Variants in PRRX2 observed in about 807,000 individuals in gnomAD.
PRRX2 encodes the protein paired mesoderm homeobox protein 2.
PRRX2 carries 11 observed loss-of-function variants against 18.0 expected under a neutral mutation model. The observed-to-expected ratio is 0.61, with a 90% CI of 0.39 to 1.01. PRRX2 has a LOEUF of 1.01. Among genes scored for constraint, PRRX2 ranks in the 50% least tolerant of loss-of-function variants. PRRX2 has a pLI of 0.01. For synonymous variants in PRRX2, 177 were observed against 154.8 expected, an observed-to-expected ratio of 1.14 and a Z score of -1.06; for missense variants, 387 against 351.0, an observed-to-expected ratio of 1.10 and a Z score of -0.82.
intron 1 of PRRX2, among the ~76,000 whole-genome samples, chr9:129,704,345 C>A (rs1381003419): frequency 6.6e-6 from 1 of 152,164 alleles, no homozygotes; most frequent in African/African-American, 2.4e-5. Flanking sequence ...GGGAGAGATA[C>A]TGTTTTGTCC....
chr9:129,697,958 G>A (rs901790592), intron 1 of PRRX2, among the ~76,000 whole-genome samples: 3 of 151,998 alleles, frequency 2.0e-5, no homozygotes, highest in African/African-American at 7.2e-5. Context: ...GGAGCGTGGA[G>A]GTTGGAGGGT....
At chr9:129,700,923 C>T (rs1325248497) in intron 1 of PRRX2, among the ~76,000 whole-genome samples, 5 of 152,168 alleles carry the variant, frequency 3.3e-5, no homozygotes, top group Admixed American at 6.5e-5. Context: ...TTAGCCAGTA[C>T]GCCACCTTTT....
At chr9:129,672,295 C>G (rs1384058049) in intron 1 of PRRX2, among the ~76,000 whole-genome samples, 1 of 152,184 alleles carries the variant, frequency 6.6e-6, no homozygotes, top group African/African-American at 2.4e-5. Context: ...GACCGGGAAG[C>G]CTCGTGGGCA....
In PRRX2 at chr9:129,711,499, G is replaced by A. The variant is rs575702361; in HGVS notation, c.260-7732G>A. On this transcript the variant is annotated intron_variant, in intron 1 of 3. Transcript: ENST00000372469. ...CGGCTCACTGCAACCTCCACCTCCC[G>A]GGTTTAAGCAATTCTCATGCCCCAG... Among the ~76,000 whole-genome samples, 230 of 143,454 alleles carry A rather than the reference G, an allele frequency of 1.6e-3. 1 individual carries two copies. The highest frequency in any genetic ancestry group is 5.6e-3 in the African/African-American group (215 of 38,106). 94.1% of individuals were successfully genotyped at this position (143,454 alleles called of 152,430 possible).
intron 1 of PRRX2, among the ~76,000 whole-genome samples, chr9:129,674,019 G>C (rs1476136305): frequency 6.6e-6 from 1 of 152,120 alleles, no homozygotes; most frequent in Non-Finnish European, 1.5e-5. Context: ...GGCAGAGCTG[G>C]CCACGGCTGC....
At chr9:129,710,794 G>A (rs1197559747) in intron 1 of PRRX2, among the ~76,000 whole-genome samples, 1 of 152,130 alleles carries the variant, frequency 6.6e-6, no homozygotes, top group Non-Finnish European at 1.5e-5. Context: ...GGCTGGGGCA[G>A]GGCTGCACTC....
chr9:129,672,563 G>T (rs1158349079), intron 1 of PRRX2, among the ~76,000 whole-genome samples: 4 of 152,198 alleles, frequency 2.6e-5, no homozygotes, highest in East Asian at 1.9e-4. Context: ...CCAGGCAGGC[G>T]CAGGCTGCAT....
chr9:129,673,716 G>A (rs1220388445), intron 1 of PRRX2, among the ~76,000 whole-genome samples: 1 of 151,150 alleles, frequency 6.6e-6, no homozygotes, highest in African/African-American at 2.4e-5. Context: ...GCTCCAGCCC[G>A]GCCCCCTGAT....
At chr9:129,684,516 A>C (rs112465542) in intron 1 of PRRX2, among the ~76,000 whole-genome samples, 36 of 33,728 alleles carry the variant, frequency 1.1e-3, no homozygotes, top group African/African-American at 2.5e-3. Context: ...ACACACACAC[A>C]CACACACCCA....
At chr9:129,706,267 G>A (rs1419528811) in intron 1 of PRRX2, among the ~76,000 whole-genome samples, 1 of 144,974 alleles carries the variant, frequency 6.9e-6, no homozygotes, top group Non-Finnish European at 1.5e-5. Context: ...ACAACATAGT[G>A]AGACTCCCAT....
At chr9:129,698,134 T>C (rs547073885) in intron 1 of PRRX2, among the ~76,000 whole-genome samples, 2,178 of 151,934 alleles carry the variant, frequency 0.014, 30 homozygotes, top group South Asian at 0.043. Context: ...AGCTTCGGGG[T>C]GCTCTGCCTT....
Position 129,690,504 on chromosome 9 carries a change from C to CTT in PRRX2, c.259+24397_259+24398dup, listed in dbSNP as rs34070492. Among the ~76,000 whole-genome samples, 17 of 130,938 alleles carry CTT rather than the reference C, an allele frequency of 1.3e-4. 1 individual carries two copies. The South Asian group carries it at 4.0e-3, about 31-fold the overall frequency. The allele number at this position is 130,938 out of a possible 152,430, so 85.9% of individuals were successfully genotyped here. ...TAGCACCATAAGTACGGTGCCAGCT[C>CTT]TTTTTTTTTTTTTTTTTTTTAAGAC... is the stretch of plus-strand genomic sequence containing the variant. On this transcript the variant is annotated intron_variant, in intron 1 of 3. Coordinates refer to ENST00000372469, the MANE Select transcript of PRRX2 (RefSeq NM_016307.4).
rs139076218 is a variant in PRRX2, at chr9:129,671,416, C to T, written c.259+5290C>T. ...AGATCATCTGGGTGGAGCTTGGGGG[C>T]CTGGCACAGGGGGCTTAGACCGGCT... On this transcript the variant is annotated intron_variant, in intron 1 of 3. Transcript: ENST00000372469. The surrounding 1 kb of genome is among the most constrained non-coding windows in gnomAD (Gnocchi z 4.0). 8.5e-3 allele frequency among the ~76,000 whole-genome samples: 1,293 copies of T among 152,292 alleles called. 9 individuals carry two copies. The highest frequency in any genetic ancestry group is 0.013 in the Non-Finnish European group (914 of 68,018).
At chr9:129,674,769 C>T (rs771301385) in intron 1 of PRRX2, among the ~76,000 whole-genome samples, 2 of 152,178 alleles carry the variant, frequency 1.3e-5, no homozygotes, top group Non-Finnish European at 2.9e-5. Context: ...AGCTCTACAG[C>T]TTGAGACACA....
Position 129,722,294 on chromosome 9 carries a change from T to C in PRRX2, c.704T>C (p.Leu235Pro). ...GVNMANSIAS[L>P]RLKAKEFSLH... ...AACATGGCCAACAGCATCGCCAGCC[T>C]CCGTCTCAAGGCCAAGGAGTTCAGC... The change falls in exon 4 of 4, where the codon CTC (leucine) becomes CCC (proline). Residue 235 changes from leucine to proline, a missense_variant. Transcript: ENST00000372469. 1.2e-6 allele frequency: 2 copies of C among 1,613,988 alleles called. No homozygotes were observed. Among genetic ancestry groups the C allele is most frequent in the East Asian group, 2.2e-5 (1 of 44,886 alleles).
intron 1 of PRRX2, among the ~76,000 whole-genome samples, chr9:129,712,384 C>T (rs1832635457): frequency 2.0e-5 from 3 of 152,266 alleles, no homozygotes; most frequent in South Asian, 2.1e-4. Context: ...GTTTATTTGT[C>T]TTAGGAAGAA....
chr9:129,666,148 CG>C, intron 1 of PRRX2, 22 bp downstream of exon 1: 2 of 813,998 alleles, frequency 2.5e-6, no homozygotes, highest in Non-Finnish European at 2.9e-6. Context: ...CGGCCAGGGA[CG>C]GGGGTGGCGG....
At chr9:129,667,450 G>A (rs941874873) in intron 1 of PRRX2, among the ~76,000 whole-genome samples, 1 of 152,218 alleles carries the variant, frequency 6.6e-6, no homozygotes, top group South Asian at 2.1e-4. Context: ...CAGGACAGAG[G>A]AGAGGTCCCG....
At chr9:129,693,225 C>T (rs975110812) in intron 1 of PRRX2, among the ~76,000 whole-genome samples, 1 of 152,172 alleles carries the variant, frequency 6.6e-6, no homozygotes, top group Non-Finnish European at 1.5e-5. Flanking sequence ...GGCTTCCGTC[C>T]ATTTTAAAAT....
Sources: allele counts gnomAD v4.1 joint callset (sites outside exome capture counted in the v4.1 genomes callset), GRCh38; gene constraint gnomAD v4.1.1; non-coding constraint Gnocchi (gnomAD v3.1); transcripts MANE v1.5; gene names NCBI Gene and HGNC (gene_info 2026-07-23, HGNC 2026-07-21).